SLC30A1: variants seen among roughly 807,000 people sequenced by gnomAD.
SLC30A1 encodes the protein proton-coupled zinc antiporter SLC30A1.
A neutral mutation model predicts 29.8 loss-of-function variants in SLC30A1; 7 were observed. That is an observed-to-expected ratio of 0.23 (90% confidence interval 0.13 to 0.44). The LOEUF is 0.44. Ranked by LOEUF, SLC30A1 falls within the 20% of genes least tolerant of loss-of-function variation. The pLI, the probability that SLC30A1 is intolerant of heterozygous loss-of-function variation, is 1.00. For synonymous variants in SLC30A1, 254 were observed against 253.5 expected, an observed-to-expected ratio of 1.00 and a Z score of -0.02; for missense variants, 446 against 647.9, an observed-to-expected ratio of 0.69 and a Z score of 3.38.
Position 211,575,228 on chromosome 1 carries a change from C to T in SLC30A1, c.*160G>A, listed in dbSNP as rs1045750219. ...ATAATCACAAAATTGTAATATAGAA[C>T]TCTGTTATGCAGTCCCATTATGTTC... On this transcript the variant is annotated 3_prime_UTR_variant, in exon 2 of 2. Coordinates refer to ENST00000367001, the MANE Select transcript of SLC30A1 (RefSeq NM_021194.3). This position sits in a 1 kb window ranked among gnomAD's most constrained non-coding sequence, Gnocchi z 6.0. 1.1e-5 allele frequency: 7 copies of T among 636,264 alleles called. No individual in the cohort carries two copies. Among genetic ancestry groups the T allele is most frequent in the Non-Finnish European group, 1.9e-5 (7 of 368,496 alleles). The allele number at this position is 636,264 out of a possible 1,614,324, so 39.4% of individuals were successfully genotyped here. A position where few individuals can be genotyped will look rare whatever the true frequency, so the allele number is the denominator to read the frequency against.
chr1:211,577,912 G>C lies in SLC30A1; in HGVS notation c.622+79C>G. The C allele has an allele frequency of 6.4e-7, 1 of 1,572,820 alleles. No homozygotes were observed. Among genetic ancestry groups the C allele is most frequent in the Non-Finnish European group, 8.6e-7 (1 of 1,160,786 alleles). ...CCCGCTCGGGCAGCAGGGGGCGTGC[G>C]GGCCACCCCGCCGAAGGCCAGGCGA... On this transcript the variant is annotated intron_variant, in intron 1 of 1. Transcript: ENST00000367001. This position sits in a 1 kb window ranked among gnomAD's most constrained non-coding sequence, Gnocchi z 4.5.
In SLC30A1 at chr1:211,573,321, G is replaced by C. The variant is rs374556225; in HGVS notation, c.*2067C>G. 3 of 152,050 alleles carry C rather than the reference G, an allele frequency of 2.0e-5. No homozygotes were observed. The East Asian group carries it at 5.8e-4, about 29-fold the overall frequency. 9.4% of individuals were successfully genotyped at this position (152,050 alleles called of 1,614,324 possible). On this transcript the variant is annotated 3_prime_UTR_variant, in exon 2 of 2. Transcript: ENST00000367001. ...AGGCTGTTATCTTCAAAGCACTTTT[G>C]AAAAACAAACAAACATAGCCCTTGT...
chr1:211,578,476 G>C lies in SLC30A1; in HGVS notation c.137C>G (p.Ser46Trp). 1 of 1,612,730 alleles carries C rather than the reference G, an allele frequency of 6.2e-7. No individual in the cohort carries two copies. The highest frequency in any genetic ancestry group is 8.5e-7 in the Non-Finnish European group (1 of 1,179,586). ...AMLSDSFHML[S>W]DVLALVVALV... is the part of the protein sequence containing the mutation. ...CGCCACCACCAGCGCCAGCACGTCC[G>C]ACAGCATGTGGAAGGAGTCGGAGAG... Residue 46 changes from serine to tryptophan, a missense_variant, in exon 1 of 2, where the codon TCG becomes TGG. Around this residue, in one of 5 missense-constraint regions of SLC30A1, gnomAD observed 62 missense variants for 91.5 expected, o/e 0.68. Coordinates refer to ENST00000367001, the MANE Select transcript of SLC30A1 (RefSeq NM_021194.3).
In SLC30A1 at chr1:211,578,657, C is replaced by T; in HGVS notation, c.-45G>A. ...GCCGAGCCCGGCCCGGAGACTGGTG[C>T]AGCGGCGGCGTTGGCGGGACGCGGA... On this transcript the variant is annotated 5_prime_UTR_variant, in exon 1 of 2. Transcript: ENST00000367001. The T allele has an allele frequency of 6.9e-7, 1 of 1,444,822 alleles. No homozygotes were observed. Among genetic ancestry groups the T allele is most frequent in the Non-Finnish European group, 9.0e-7 (1 of 1,108,836 alleles). 89.5% of individuals were successfully genotyped at this position (1,444,822 alleles called of 1,614,324 possible). A position where few individuals can be genotyped will look rare whatever the true frequency, so the allele number is the denominator to read the frequency against.
At chr1:211,576,733 G>A (rs139169693) in intron 1 of SLC30A1, among the ~76,000 whole-genome samples, 2,759 of 152,248 alleles carry the variant, frequency 0.018, 26 homozygotes, top group Non-Finnish European at 0.021. Context: ...GAGGCCAATT[G>A]CTTGAGAATA....
Position 211,575,639 on chromosome 1 carries a change from C to G in SLC30A1, c.1273G>C (p.Gly425Arg), listed in dbSNP as rs1209120781. ...CACGGAACTACACTTGATTTAGAGC[C>G]TACACTAGCAAATTCAGGCTGAATG... ...TTIQPEFASV[G>R]SKSSVVPCEL... The change falls in exon 2 of 2, where the codon GGC becomes CGC. Residue 425 changes from glycine (G) to arginine (R), a missense_variant. Around this residue, in one of 5 missense-constraint regions of SLC30A1, gnomAD observed 187 missense variants for 312.7 expected, o/e 0.60. Transcript: ENST00000367001. The surrounding 1 kb of genome is among the most constrained non-coding windows in gnomAD (Gnocchi z 6.0). 5 of 1,614,158 alleles carry G rather than the reference C, an allele frequency of 3.1e-6. No individual in the cohort carries two copies. The highest frequency in any genetic ancestry group is 4.2e-6 in the Non-Finnish European group (5 of 1,180,016).
rs1222546964 is a variant in SLC30A1, at chr1:211,574,468, A to T, written c.*920T>A. On this transcript the variant is annotated 3_prime_UTR_variant, in exon 2 of 2. Transcript: ENST00000367001. ...TGGTTATCATGAAATGACCTTGAAA[A>T]TTTTTTTTCAAACGCCCGGTTTAAA... 1.3e-5 allele frequency: 2 copies of T among 151,792 alleles called. No individual in the cohort carries two copies. Among genetic ancestry groups the T allele is most frequent in the African/African-American group, 2.4e-5 (1 of 41,346 alleles). The allele number at this position is 151,792 out of a possible 1,614,324, so 9.4% of individuals were successfully genotyped here. A position where few individuals can be genotyped will look rare whatever the true frequency, so the allele number is the denominator to read the frequency against.
chr1:211,576,469 C>T lies in SLC30A1; in HGVS notation c.623-180G>A, dbSNP rs113086977. On this transcript the variant is annotated intron_variant, in intron 1 of 1. Transcript: ENST00000367001. ...CTGGGAATGAGCCAGGACATAATAG[C>T]CAGGGCTAAATTAAGTCATTGTGAT... Among the ~76,000 whole-genome samples the T allele has an allele frequency of 1.6e-3, 248 of 152,226 alleles. 1 individual carries two copies. The highest frequency in any genetic ancestry group is 5.4e-3 in the African/African-American group (226 of 41,528).
rs1485111815 is a variant in SLC30A1, at chr1:211,571,942, G to A, written c.*3446C>T. 6.6e-6 allele frequency: 1 copy of A among 152,064 alleles called. No homozygotes were observed. Among genetic ancestry groups the A allele is most frequent in the East Asian group, 1.9e-4 (1 of 5,198 alleles). The allele number at this position is 152,064 out of a possible 1,614,324, so 9.4% of individuals were successfully genotyped here. A position where few individuals can be genotyped will look rare whatever the true frequency, so the allele number is the denominator to read the frequency against. On this transcript the variant is annotated 3_prime_UTR_variant, in exon 2 of 2. Transcript: ENST00000367001. Reference sequence around the variant, plus strand: ...GCAGAACCATAACATGGCAATTTGTGTCTTTTTATATATATATATAACCAC... The same window carrying A: ...GCAGAACCATAACATGGCAATTTGTATCTTTTTATATATATATATAACCAC...
rs1380731901 is a variant in SLC30A1 at position 211,572,807 on chromosome 1, T to A, written c.*2581A>T. 6.6e-6 allele frequency: 1 copy of A among 151,896 alleles called. No individual in the cohort carries two copies. The highest frequency in any genetic ancestry group is 6.6e-5 in the Admixed American group (1 of 15,262). The allele number at this position is 151,896 out of a possible 1,614,324, so 9.4% of individuals were successfully genotyped here. On this transcript the variant is annotated 3_prime_UTR_variant, in exon 2 of 2. Coordinates refer to ENST00000367001, the MANE Select transcript of SLC30A1 (RefSeq NM_021194.3). ...TAAGGCTGCATTTGGCTTGGAAAAA[T>A]TTCTTGGTTTTAATTCAGGCACATG...
Position 211,578,547 on chromosome 1 carries a change from C to T in SLC30A1, c.66G>A (p.Met22Ile). ...CCCGGCTCACCACCACCTCCAGCACCATGAACATGAAGGTCAGCGCCAGCA... is the reference window on the plus strand; with the variant it reads ...CCCGGCTCACCACCACCTCCAGCACTATGAACATGAAGGTCAGCGCCAGCA... ...LCMLALTFMF[M>I]VLEVVVSRVT... The change falls in exon 1 of 2, where the codon ATG (methionine) becomes ATA (isoleucine). Residue 22 changes from methionine (M) to isoleucine (I), a missense_variant. Physicochemically the swap from Met to Ile is conservative, Grantham distance 10 (BLOSUM62 1). Around this residue, in one of 5 missense-constraint regions of SLC30A1, gnomAD observed 62 missense variants for 91.5 expected, o/e 0.68. Coordinates refer to ENST00000367001, the MANE Select transcript of SLC30A1 (RefSeq NM_021194.3). 6.2e-7 allele frequency: 1 copy of T among 1,610,880 alleles called. No homozygotes were observed. Among genetic ancestry groups the T allele is most frequent in the Non-Finnish European group, 8.5e-7 (1 of 1,179,370 alleles).
chr1:211,576,383 AT>A (rs1706718830), intron 1 of SLC30A1, 94 bp from the exon 2 acceptor site: 1 of 819,528 alleles, frequency 1.2e-6, no homozygotes, highest in South Asian at 2.1e-5. Flanking sequence ...GAAGGTGAAA[AT>A]TTTTTCAGAA....
Position 211,575,443 on chromosome 1 carries a change from G to A in SLC30A1, c.1469C>T (p.Ala490Val). Residue 490 changes from alanine to valine, a missense_variant, in exon 2 of 2, where the codon GCT (alanine) becomes GTT (valine). Physicochemically the swap from Ala to Val is moderately conservative, Grantham distance 64. This residue lies in a region of SLC30A1 where 187 missense variants were observed against 312.7 expected (regional missense o/e 0.60). Transcript: ENST00000367001. The surrounding 1 kb of genome is among the most constrained non-coding windows in gnomAD (Gnocchi z 6.0). The part of the protein sequence containing the change: ...PRRTKAENIP[A>V]VVIEIKNMPN... The stretch of plus-strand genomic sequence containing the variant: ...CATGTTTTTAATCTCTATCACAACA[G>A]CAGGGATGTTTTCAGCTTTAGTCCT... 1 of 1,613,528 alleles carries A rather than the reference G, an allele frequency of 6.2e-7. No homozygotes were observed. The highest frequency in any genetic ancestry group is 8.5e-7 in the Non-Finnish European group (1 of 1,179,732).
At position 211,573,704 on chromosome 1, in the gene SLC30A1, A is replaced by G. The variant is rs1364703700; in HGVS notation, c.*1684T>C. The G allele has an allele frequency of 6.6e-6, 1 of 152,102 alleles. No individual in the cohort carries two copies. Among genetic ancestry groups the G allele is most frequent in the Non-Finnish European group, 1.5e-5 (1 of 67,918 alleles). The allele number at this position is 152,102 out of a possible 1,614,324, so 9.4% of individuals were successfully genotyped here. ...ATCAGTTTAGGAATTGAATTACACA[A>G]TATCAGATAAGAATATTAAAAGATC... On this transcript the variant is annotated 3_prime_UTR_variant, in exon 2 of 2. Transcript: ENST00000367001.
Position 211,578,307 on chromosome 1 carries a change from C to T in SLC30A1, c.306G>A (p.Glu102=), listed in dbSNP as rs1243092502. Residue 102 remains glutamate (E), a synonymous_variant, in exon 1 of 2, where the codon GAG becomes GAA. Transcript: ENST00000367001. ...LCFAILLEAI[E]RFIEPHEMQQ... ...GCATCTCGTGCGGCTCGATGAAGCG[C>T]TCGATGGCCTCCAGCAGGATGGCGA... is the stretch of plus-strand genomic sequence containing the variant. The T allele has an allele frequency of 6.2e-7, 1 of 1,612,956 alleles. No homozygotes were observed. The highest frequency in any genetic ancestry group is 8.5e-7 in the Non-Finnish European group (1 of 1,179,834).
Position 211,571,790 on chromosome 1 carries a change from G to C in SLC30A1, c.*3598C>G, listed in dbSNP as rs1419965194. 1.3e-5 allele frequency: 2 copies of C among 152,142 alleles called. No individual in the cohort carries two copies. Among genetic ancestry groups the C allele is most frequent in the African/African-American group, 2.4e-5 (1 of 41,438 alleles). 9.4% of individuals were successfully genotyped at this position (152,142 alleles called of 1,614,324 possible). A position where few individuals can be genotyped will look rare whatever the true frequency, so the allele number is the denominator to read the frequency against. ...TTTTATCTGCATCTGTATTTAATGA[G>C]ATGATAACTGCATTTAACTGGCCCA... On this transcript the variant is annotated 3_prime_UTR_variant, in exon 2 of 2. Transcript: ENST00000367001.
chr1:211,576,281 T>A lies in SLC30A1; in HGVS notation c.631A>T (p.Asn211Tyr), dbSNP rs1342406335. Residue 211 changes from asparagine (N) to tyrosine (Y), a missense_variant, in exon 2 of 2, where the codon AAC becomes TAC. Asn to Tyr is a moderately radical substitution (Grantham distance 143). Around this residue, in one of 5 missense-constraint regions of SLC30A1, gnomAD observed 159 missense variants for 161.1 expected, o/e 0.99. Coordinates refer to ENST00000367001, the MANE Select transcript of SLC30A1 (RefSeq NM_021194.3). ...GLKLDPADPE[N>Y]PRSGDTVEVQ... The stretch of plus-strand genomic sequence containing the variant: ...TCCACTGTATCACCACTTCTGGGGT[T>A]TTCTGGGTCTACAAAGAAATAAAAA... 17 of 1,567,862 alleles carry A rather than the reference T, an allele frequency of 1.1e-5. No homozygotes were observed. Among genetic ancestry groups the A allele is most frequent in the Non-Finnish European group, 1.5e-5 (17 of 1,160,078 alleles).
Sources: allele counts gnomAD v4.1 joint callset (sites outside exome capture counted in the v4.1 genomes callset), GRCh38; gene constraint gnomAD v4.1.1; regional missense constraint gnomAD v4.1.1; non-coding constraint Gnocchi (gnomAD v3.1); transcripts MANE v1.5; gene names NCBI Gene and HGNC (gene_info 2026-07-23, HGNC 2026-07-21).